Variants in CLNK observed in about 807,000 individuals in gnomAD.
CLNK encodes the protein cytokine-dependent hematopoietic cell linker.
A neutral mutation model predicts 68.6 loss-of-function variants in CLNK; 74 were observed. That is an observed-to-expected ratio of 1.08 (90% CI 0.89 to 1.31). CLNK has a LOEUF of 1.31. CLNK is among the 50% of genes most tolerant of loss of function. The pLI is 0.00. For missense variants in CLNK, 553 were observed against 515.3 expected, an observed-to-expected ratio of 1.07 and a Z score of -0.71; for synonymous variants, 198 against 172.2, an observed-to-expected ratio of 1.15 and a Z score of -1.17.
intron 18 of CLNK, among the ~76,000 whole-genome samples, chr4:10,492,230 G>A (rs1716608211): frequency 6.6e-6 from 1 of 152,126 alleles, no homozygotes; most frequent in Non-Finnish European, 1.5e-5. Context: ...TCACTTTTCT[G>A]GATACTTCTT....
chr4:10,551,275 C>T (rs749772665), intron 8 of CLNK, among the ~76,000 whole-genome samples: 6 of 152,062 alleles, frequency 3.9e-5, no homozygotes, highest in South Asian at 2.1e-4. Flanking sequence ...GACCAAGTCT[C>T]GCTCCGTTGC....
At chr4:10,538,232 C>T (rs192880340) in intron 11 of CLNK, among the ~76,000 whole-genome samples, 107 of 152,220 alleles carry the variant, frequency 7.0e-4, no homozygotes, top group African/African-American at 2.4e-3. Flanking sequence ...TAGGTTAAAG[C>T]GATTCTCATG....
At chr4:10,636,135 A>G (rs1410460151) in intron 2 of CLNK, among the ~76,000 whole-genome samples, 1 of 152,216 alleles carries the variant, frequency 6.6e-6, no homozygotes, top group Non-Finnish European at 1.5e-5. Context: ...TTCCAAAAAG[A>G]TGTGTTGGGA....
intron 15 of CLNK, among the ~76,000 whole-genome samples, chr4:10,514,455 C>T (rs974579776): frequency 6.7e-6 from 1 of 149,134 alleles, no homozygotes; most frequent in Non-Finnish European, 1.5e-5. Context: ...TGCATACCTA[C>T]AACTATCTGA....
chr4:10,651,233 C>G (rs1248878945), intron 2 of CLNK, among the ~76,000 whole-genome samples: 2 of 152,126 alleles, frequency 1.3e-5, no homozygotes, highest in African/African-American at 2.4e-5. Context: ...ATTCTACTAT[C>G]AAGACACATG....
chr4:10,562,959 G>A (rs957235444), intron 7 of CLNK, among the ~76,000 whole-genome samples: 2 of 152,168 alleles, frequency 1.3e-5, no homozygotes, highest in Non-Finnish European at 2.9e-5. Context: ...AGCAGGCACC[G>A]ATGACATAGT....
chr4:10,550,942 A>G (rs1405399556), intron 8 of CLNK, among the ~76,000 whole-genome samples: 1 of 152,208 alleles, frequency 6.6e-6, no homozygotes, highest in Non-Finnish European at 1.5e-5. Flanking sequence ...CCACGCAGCG[A>G]ATCTGGTGGG....
intron 8 of CLNK, among the ~76,000 whole-genome samples, chr4:10,551,419 G>GTATA (rs201585969): frequency 1.9e-3 from 247 of 127,948 alleles, no homozygotes; most frequent in Middle Eastern, 0.011. Flanking sequence ...TAATTTTTTT[G>GTATA]TATATATATA....
chr4:10,547,089 C>A (rs1719261120), intron 8 of CLNK, among the ~76,000 whole-genome samples: 1 of 152,232 alleles, frequency 6.6e-6, no homozygotes, highest in East Asian at 1.9e-4. Context: ...TCCAATTACC[C>A]CTTTATGCCT....
rs1331208598 is a variant in CLNK, at chr4:10,489,062, T to G, written c.*1405A>C. The G allele has an allele frequency of 2.0e-5, 3 of 151,982 alleles. No homozygotes were observed. The highest frequency in any genetic ancestry group is 4.8e-5 in the African/African-American group (2 of 41,356). The allele number at this position is 151,982 out of a possible 1,614,324, so 9.4% of individuals were successfully genotyped here. On this transcript the variant is annotated 3_prime_UTR_variant, in exon 19 of 19. Coordinates refer to ENST00000226951, the MANE Select transcript of CLNK (RefSeq NM_052964.4). Reference sequence around the variant, plus strand: ...CAAATTGTTTCTATCTTTCTCTCTCTCTCTCTCTTTTTTTTTAAATTAGCT... The same window carrying G: ...CAAATTGTTTCTATCTTTCTCTCTCGCTCTCTCTTTTTTTTTAAATTAGCT...
At chr4:10,588,582 TTTGTTG>T (rs569929197) in intron 3 of CLNK, among the ~76,000 whole-genome samples, 1 of 152,120 alleles carries the variant, frequency 6.6e-6, no homozygotes, top group Non-Finnish European at 1.5e-5. Flanking sequence ...TGGTAGACAT[TTTGTTG>T]TTGTTGTTGT....
chr4:10,634,122 C>T (rs1380453947), intron 2 of CLNK, among the ~76,000 whole-genome samples: 3 of 152,216 alleles, frequency 2.0e-5, no homozygotes, highest in Admixed American at 6.5e-5. Flanking sequence ...ATAATACTTG[C>T]ATTTTTAAGG....
intron 14 of CLNK, among the ~76,000 whole-genome samples, chr4:10,522,835 C>T (rs1039061093): frequency 2.6e-5 from 4 of 152,180 alleles, no homozygotes; most frequent in Admixed American, 2.0e-4. Flanking sequence ...AACAAAATTG[C>T]TTTCGTTCTC....
chr4:10,725,852 T>TA, the CLNK span, among the ~76,000 whole-genome samples: 23 of 142,156 alleles, frequency 1.6e-4, no homozygotes, highest in African/African-American at 2.6e-4. Flanking sequence ...AGACTCCGTC[T>TA]AAAAAAAAAA....
chr4:10,514,924 C>T (rs927268417), intron 15 of CLNK, among the ~76,000 whole-genome samples: 1 of 152,170 alleles, frequency 6.6e-6, no homozygotes, highest in Non-Finnish European at 1.5e-5. Flanking sequence ...AACAAACAAT[C>T]CCAGAGTCAT....
chr4:10,506,423 G>A (rs1052891074), intron 17 of CLNK, among the ~76,000 whole-genome samples: 12 of 152,146 alleles, frequency 7.9e-5, no homozygotes, highest in Admixed American at 7.2e-4. Context: ...AACATGGTAT[G>A]CAAGCAAAAA....
chr4:10,531,646 G>A (rs904045823), intron 12 of CLNK: 2 of 433,910 alleles, frequency 4.6e-6, no homozygotes, highest in Non-Finnish European at 9.2e-6. Context: ...TCTTCATGTT[G>A]GTCAGGCTGA....
chr4:10,721,266 G>C, the CLNK span, among the ~76,000 whole-genome samples: 25 of 152,232 alleles, frequency 1.6e-4, no homozygotes, highest in African/African-American at 5.8e-4. Context: ...TATCTTGACT[G>C]TATCGACTGC....
chr4:10,646,469 C>A (rs554813900), intron 2 of CLNK, among the ~76,000 whole-genome samples: 4 of 152,114 alleles, frequency 2.6e-5, no homozygotes, highest in Non-Finnish European at 4.4e-5. Context: ...GGCCTGATAA[C>A]GGGTTTCCAA....
Sources: gnomAD v4.1 joint callset for allele counts (sites outside exome capture counted in the v4.1 genomes callset) on GRCh38, gnomAD v4.1.1 for gene constraint, MANE v1.5 for transcripts, NCBI Gene and HGNC (gene_info 2026-07-23, HGNC 2026-07-21) for gene names.